Variants in ACAT1 observed in about 807,000 individuals in gnomAD.
ACAT1 encodes the protein acetyl-CoA acetyltransferase, mitochondrial.
ACAT1 carries 28 observed loss-of-function variants against 47.3 expected under a neutral mutation model. That is an observed-to-expected ratio of 0.59 (90% CI 0.44 to 0.81). The LOEUF (loss-of-function observed/expected upper bound fraction) is 0.81. Ranked by LOEUF, ACAT1 falls within the 30% of genes least tolerant of loss-of-function variation. The pLI is 0.00. For synonymous variants in ACAT1, 181 were observed against 173.6 expected (o/e 1.04, Z -0.34); for missense variants, 469 against 524.3 (o/e 0.89, Z 1.03).
intron 7 of ACAT1, among the ~76,000 whole-genome samples, chr11:108,140,738 T>A (rs2077567992): frequency 6.6e-6 from 1 of 152,228 alleles, no homozygotes. Flanking sequence ...TCCAGCAGAA[T>A]AAATCCACAA....
chr11:108,130,455 G>A (rs764020967), intron 1 of ACAT1, among the ~76,000 whole-genome samples: 20 of 151,980 alleles, frequency 1.3e-4, no homozygotes, highest in Non-Finnish European at 2.2e-4. Flanking sequence ...GTACAGTGGC[G>A]TGATCTTGGC....
At chr11:108,126,533 C>T (rs748371378) in intron 1 of ACAT1, among the ~76,000 whole-genome samples, 2 of 152,100 alleles carry the variant, frequency 1.3e-5, no homozygotes, top group African/African-American at 2.4e-5. Flanking sequence ...GTGATATGAT[C>T]TGATTTACAT....
intron 11 of ACAT1, 119 bp from the exon 12 acceptor site, chr11:108,147,151 T>A (rs556898930): frequency 5.0e-6 from 6 of 1,203,918 alleles, no homozygotes; most frequent in Middle Eastern, 2.5e-4. Context: ...TAGTAGTAGT[T>A]AATTCAGCAA....
chr11:108,142,822 G>A (rs765124422), intron 9 of ACAT1: 47 of 420,406 alleles, frequency 1.1e-4, no homozygotes, highest in Non-Finnish European at 2.0e-4. Context: ...GGGTGACAGA[G>A]CGAGACCCTG....
rs1441824125 is a variant in ACAT1 at position 108,125,685 on chromosome 11, T to C, written c.72+4007T>C. ...GCTCACGCCTGTAATCCCAGCACTT[T>C]GGGAGGCTGAGGCGGGCAGATCACC... On this transcript the variant is annotated intron_variant, in intron 1 of 11. Coordinates refer to ENST00000265838, the MANE Select transcript of ACAT1 (RefSeq NM_000019.4). Among the ~76,000 whole-genome samples, 3 of 152,204 alleles carry C rather than the reference T, an allele frequency of 2.0e-5. No homozygotes were observed. The South Asian group carries it at 6.2e-4, about 32-fold the overall frequency.
chr11:108,142,285 T>G (rs184055398), intron 8 of ACAT1, 152 bp from the exon 9 acceptor site: 2 of 697,758 alleles, frequency 2.9e-6, no homozygotes, highest in Non-Finnish European at 5.2e-6. Context: ...CAGTTAGCTG[T>G]GTACATGTTT....
intron 1 of ACAT1, among the ~76,000 whole-genome samples, chr11:108,127,006 C>T (rs1279165290): frequency 1.3e-5 from 2 of 151,092 alleles, no homozygotes; most frequent in Admixed American, 6.6e-5. Context: ...TTGGTAGAGA[C>T]GGGGTTTCAG....
At chr11:108,137,289 A>C (rs1477691853) in intron 5 of ACAT1, among the ~76,000 whole-genome samples, 1 of 152,166 alleles carries the variant, frequency 6.6e-6, no homozygotes, top group African/African-American at 2.4e-5. Flanking sequence ...TGAAATGTGC[A>C]TGGTGTCTCT....
intron 1 of ACAT1, among the ~76,000 whole-genome samples, chr11:108,125,632 A>T (rs957763492): frequency 6.6e-6 from 1 of 152,250 alleles, no homozygotes; most frequent in Non-Finnish European, 1.5e-5. Context: ...TCATTAGAAA[A>T]GACATGAAGA....
At chr11:108,127,059 G>T (rs1202473931) in intron 1 of ACAT1, among the ~76,000 whole-genome samples, 1 of 151,450 alleles carries the variant, frequency 6.6e-6, no homozygotes, top group Non-Finnish European at 1.5e-5. Flanking sequence ...CTCGTGATCC[G>T]CCCCCCTCGG....
intron 8 of ACAT1, among the ~76,000 whole-genome samples, chr11:108,141,964 AAC>A (rs2077597083): frequency 1.3e-5 from 2 of 152,224 alleles, no homozygotes; most frequent in South Asian, 4.1e-4. Flanking sequence ...CATTGAAAAA[AAC>A]AGATTTATTG....
At position 108,131,951 on chromosome 11, in the gene ACAT1, G is replaced by A; in HGVS notation, c.117G>A (p.Leu39=). ...VERSYVSKPT[L]KEVVIVSATR... ...GGAGTTATGTATCAAAACCCACTTT[G>A]AAGGTAAGTAATTTAAATTGTGCTT... Residue 39 remains leucine, a synonymous_variant, in exon 2 of 12, where the codon TTG becomes TTA. Coordinates refer to ENST00000265838, the MANE Select transcript of ACAT1 (RefSeq NM_000019.4). 1 of 1,505,874 alleles carries A rather than the reference G, an allele frequency of 6.6e-7. No individual in the cohort carries two copies. The highest frequency in any genetic ancestry group is 9.2e-7 in the Non-Finnish European group (1 of 1,087,412). 93.3% of individuals were successfully genotyped at this position (1,505,874 alleles called of 1,614,324 possible).
At chr11:108,118,155 C>A (rs990172948), upstream of ACAT1, among the ~76,000 whole-genome samples, 2 of 152,050 alleles carry the variant, frequency 1.3e-5, no homozygotes, top group Non-Finnish European at 2.9e-5. Flanking sequence ...TGGTGGCTCA[C>A]ACCTGTAATC....
rs548315987 is a variant in ACAT1, at chr11:108,140,314, C to T, written c.730+99C>T. ...AGGACATTATCTTGGTTCATTTCAACTGCTTATGGTTAATAAAAAGTGAAG... is the reference window on the plus strand; with the variant it reads ...AGGACATTATCTTGGTTCATTTCAATTGCTTATGGTTAATAAAAAGTGAAG... On this transcript the variant is annotated intron_variant, in intron 7 of 11. Coordinates refer to ENST00000265838, the MANE Select transcript of ACAT1 (RefSeq NM_000019.4). 6 of 1,404,814 alleles carry T rather than the reference C, an allele frequency of 4.3e-6. No homozygotes were observed. In the African/African-American group the frequency reaches 8.5e-5, roughly 20 times the overall value. The allele number at this position is 1,404,814 out of a possible 1,614,324, so 87.0% of individuals were successfully genotyped here. A position where few individuals can be genotyped will look rare whatever the true frequency, so the allele number is the denominator to read the frequency against.
At chr11:108,116,733 C>T (rs1864957389), upstream of ACAT1, among the ~76,000 whole-genome samples, 1 of 152,132 alleles carries the variant, frequency 6.6e-6, no homozygotes, top group South Asian at 2.1e-4. Flanking sequence ...AAGCCACACA[C>T]AGGGGAGAAG....
chr11:108,139,693 C>G (rs1031857207), intron 6 of ACAT1, among the ~76,000 whole-genome samples: 1 of 152,048 alleles, frequency 6.6e-6, no homozygotes, highest in Non-Finnish European at 1.5e-5. Context: ...TGGTGTCTTG[C>G]TCTGTTGCCC....
At chr11:108,135,401 T>A (rs923168834) in intron 5 of ACAT1, among the ~76,000 whole-genome samples, 159 bp downstream of exon 5, 1 of 152,162 alleles carries the variant, frequency 6.6e-6, no homozygotes, top group Non-Finnish European at 1.5e-5. Context: ...CTAAGTCCAT[T>A]TGAAGTATGG....
At chr11:108,146,766 ATACTGTTCTG>A (rs2077719797) in intron 11 of ACAT1, among the ~76,000 whole-genome samples, 1 of 152,114 alleles carries the variant, frequency 6.6e-6, no homozygotes, top group Non-Finnish European at 1.5e-5. Context: ...TCTATCCATT[ATACTGTTCTG>A]TACTTTTAAA....
At position 108,143,969 on chromosome 11, in the gene ACAT1, C is replaced by CGG; in HGVS notation, c.941-14_941-13insGG. On this transcript the variant is annotated splice_polypyrimidine_tract_variant and intron_variant, in intron 9 of 11. Coordinates refer to ENST00000265838, the MANE Select transcript of ACAT1 (RefSeq NM_000019.4). ...AAAGATTTTAACAACCCCCCCCCCCCTTTTTTTAAACAGCATTTGCTGACG... is the reference window on the plus strand; with the variant it reads ...AAAGATTTTAACAACCCCCCCCCCCCGGTTTTTTTAAACAGCATTTGCTGACG... 1.5e-6 allele frequency: 1 copy of CGG among 685,204 alleles called. No homozygotes were observed. Among genetic ancestry groups the CGG allele is most frequent in the Non-Finnish European group, 2.3e-6 (1 of 444,280 alleles). 42.4% of individuals were successfully genotyped at this position (685,204 alleles called of 1,614,324 possible).
Sources: gnomAD v4.1 joint callset for allele counts (sites outside exome capture counted in the v4.1 genomes callset) on GRCh38, gnomAD v4.1.1 for gene constraint, MANE v1.5 for transcripts, NCBI Gene and HGNC (gene_info 2026-07-23, HGNC 2026-07-21) for gene names.